The following PRR29 variants were observed in gnomAD, a reference collection of about 807,000 sequenced individuals.
PRR29 encodes proline-rich protein 29.
A neutral mutation model predicts 25.1 loss-of-function variants in PRR29; 20 were observed. That is an observed-to-expected ratio of 0.80 (90% CI 0.56 to 1.16). The LOEUF (loss-of-function observed/expected upper bound fraction) is 1.16. Ranked by LOEUF, PRR29 falls within the 50% of genes most tolerant of loss-of-function variation. PRR29 has a pLI of 0.00. For missense variants in PRR29, 238 were observed against 246.6 expected (o/e 0.97, Z 0.23); for synonymous variants, 108 against 102.6 (o/e 1.05, Z -0.32).
intron 2 of PRR29, 57 bp from the exon 3 acceptor site, chr17:63,998,911 G>A: frequency 1.3e-6 from 2 of 1,487,394 alleles, no homozygotes; most frequent in African/African-American, 1.4e-5. Context: ...GGACAGGGGT[G>A]TCAGGGGGAG....
Position 64,002,566 on chromosome 17 carries a change from CCCAGGAGGAGA to C in PRR29, c.*807_*817del, listed in dbSNP as rs1910848747. The C allele has an allele frequency of 1.6e-6, 1 of 614,626 alleles. No homozygotes were observed. Among genetic ancestry groups the C allele is most frequent in the African/African-American group, 1.8e-5 (1 of 54,100 alleles). 38.1% of individuals were successfully genotyped at this position (614,626 alleles called of 1,614,324 possible). ...GGCTCCCCTCCCTGGCCATTGTTAT[CCCAGGAGGAGA>C]CACTGTGGGCACAGGGCTAAGTCCA... On this transcript the variant is annotated 3_prime_UTR_variant, in exon 6 of 6. Transcript: ENST00000412177.
chr17:63,999,070 C>T lies in PRR29; in HGVS notation c.239C>T (p.Pro80Leu). 3 of 1,535,030 alleles carry T rather than the reference C, an allele frequency of 2.0e-6. No homozygotes were observed. Among genetic ancestry groups the T allele is most frequent in the Non-Finnish European group, 2.6e-6 (3 of 1,146,240 alleles). Reference protein sequence around the residue: ...ALQPRPASPCPQVYLEVPQEE... With the variant: ...ALQPRPASPCLQVYLEVPQEE... ...CAGCCCCGGCCTGCCTCGCCCTGCC[C>T]TCAGGTGCGTGTGGGTGGGCCGCCG... The change falls in exon 3 of 6, where the codon CCT becomes CTT. Residue 80 changes from proline (P) to leucine (L), a missense_variant. Pro to Leu is a moderately conservative substitution (Grantham distance 98). Transcript: ENST00000412177.
At position 63,998,374 on chromosome 17, in the gene PRR29, G is replaced by T. The variant is rs1910258429; in HGVS notation, c.10G>T (p.Gly4Trp). The change falls in exon 1 of 6, where the codon GGG (glycine) becomes TGG (tryptophan). Residue 4 changes from glycine to tryptophan, a missense_variant. Physicochemically the swap from Gly to Trp is radical, Grantham distance 184. Transcript: ENST00000412177. MASGAGGSWGRSPP... is the reference protein window; with the variant it reads MASWAGGSWGRSPP... ...GCAACCGGCGCCAGCCATGGCCTCTGGGGCGGGCGGAAGCTGGGGTCGCTC... is the reference window on the plus strand; with the variant it reads ...GCAACCGGCGCCAGCCATGGCCTCTTGGGCGGGCGGAAGCTGGGGTCGCTC... 6.5e-7 allele frequency: 1 copy of T among 1,527,568 alleles called. No individual in the cohort carries two copies. The highest frequency in any genetic ancestry group is 2.5e-5 in the East Asian group (1 of 40,672). 94.6% of individuals were successfully genotyped at this position (1,527,568 alleles called of 1,614,324 possible). A position where few individuals can be genotyped will look rare whatever the true frequency, so the allele number is the denominator to read the frequency against.
Position 64,003,692 on chromosome 17 carries a change from C to T in PRR29, c.*1931C>T. Reference sequence around the variant, plus strand: ...GCTGAGTGTTTGTGAAAGATGTTGCCACCGCGAGACATCAAGTCCAGCACA... The same window carrying T: ...GCTGAGTGTTTGTGAAAGATGTTGCTACCGCGAGACATCAAGTCCAGCACA... On this transcript the variant is annotated 3_prime_UTR_variant, in exon 6 of 6. Coordinates refer to ENST00000412177, the MANE Select transcript of PRR29 (RefSeq NM_001164257.2). The T allele has an allele frequency of 6.2e-7, 1 of 1,614,168 alleles. No individual in the cohort carries two copies. The highest frequency in any genetic ancestry group is 1.7e-5 in the Admixed American group (1 of 60,034).
chr17:64,000,883 G>C (rs1452286024), intron 3 of PRR29: 1 of 576,694 alleles, frequency 1.7e-6, no homozygotes, highest in East Asian at 2.9e-5. Flanking sequence ...AGCCAGGATG[G>C]TCTCAATCTC....
intron 3 of PRR29, among the ~76,000 whole-genome samples, chr17:64,000,439 C>T (rs935561759): frequency 6.6e-6 from 1 of 152,164 alleles, no homozygotes; most frequent in Non-Finnish European, 1.5e-5. Flanking sequence ...AAACAACTCT[C>T]CTGCCCCAGC....
Position 64,002,018 on chromosome 17 carries a change from C to G in PRR29, c.*257C>G, listed in dbSNP as rs1481063403. On this transcript the variant is annotated 3_prime_UTR_variant, in exon 6 of 6. Coordinates refer to ENST00000412177, the MANE Select transcript of PRR29 (RefSeq NM_001164257.2). ...ACCCAGGCCCTTGAAGCCACGTCAG[C>G]CCGCCTCTGCCCCACTGCTTCCTGC... 4 of 1,523,366 alleles carry G rather than the reference C, an allele frequency of 2.6e-6. No individual in the cohort carries two copies. Among genetic ancestry groups the G allele is most frequent in the Non-Finnish European group, 3.5e-6 (4 of 1,138,004 alleles). The allele number at this position is 1,523,366 out of a possible 1,614,324, so 94.4% of individuals were successfully genotyped here.
At position 64,004,112 on chromosome 17, in the gene PRR29, C is replaced by A; in HGVS notation, c.*2351C>A. ...GGCTCCAGTGCAGAGAGGAAGAGGG[C>A]AGCAGTTGAGGATGGAGGCTGGACT... On this transcript the variant is annotated 3_prime_UTR_variant, in exon 6 of 6. Transcript: ENST00000412177. 1.6e-6 allele frequency: 1 copy of A among 623,714 alleles called. No individual in the cohort carries two copies. The highest frequency in any genetic ancestry group is 2.8e-6 in the Non-Finnish European group (1 of 356,926). The allele number at this position is 623,714 out of a possible 1,614,324, so 38.6% of individuals were successfully genotyped here.
intron 3 of PRR29, 81 bp downstream of exon 3, chr17:63,999,155 A>T: frequency 3.7e-6 from 4 of 1,077,426 alleles, no homozygotes; most frequent in Non-Finnish European, 5.4e-6. Flanking sequence ...TTCAGGGGGG[A>T]AAAGAACTGG....
Position 64,001,988 on chromosome 17 carries a change from G to C in PRR29, c.*227G>C. The C allele has an allele frequency of 6.5e-7, 1 of 1,534,190 alleles. No individual in the cohort carries two copies. Among genetic ancestry groups the C allele is most frequent in the Middle Eastern group, 1.7e-4 (1 of 5,916 alleles). On this transcript the variant is annotated 3_prime_UTR_variant, in exon 6 of 6. Coordinates refer to ENST00000412177, the MANE Select transcript of PRR29 (RefSeq NM_001164257.2). ...TGCTGTTGTGTAAGAGCTCCCTAGA[G>C]CACCACCCAGGCCCTTGAAGCCACG...
At position 64,002,859 on chromosome 17, in the gene PRR29, A is replaced by T; in HGVS notation, c.*1098A>T. 6.2e-7 allele frequency: 1 copy of T among 1,613,994 alleles called. No individual in the cohort carries two copies. Among genetic ancestry groups the T allele is most frequent in the South Asian group, 1.1e-5 (1 of 91,080 alleles). ...GATGAAGCAGAGCAGGACAGATGTCACGAACAGGGACAGCAACACCGACAC... is the reference window on the plus strand; with the variant it reads ...GATGAAGCAGAGCAGGACAGATGTCTCGAACAGGGACAGCAACACCGACAC... On this transcript the variant is annotated 3_prime_UTR_variant, in exon 6 of 6. Transcript: ENST00000412177.
Position 64,002,696 on chromosome 17 carries a change from C to G in PRR29, c.*935C>G. ...GGGCTGGACCTCAACCCTGAGGAGTCACACTGAGTTCCAGTGACCACCGTG... is the reference window on the plus strand; with the variant it reads ...GGGCTGGACCTCAACCCTGAGGAGTGACACTGAGTTCCAGTGACCACCGTG... On this transcript the variant is annotated 3_prime_UTR_variant, in exon 6 of 6. Coordinates refer to ENST00000412177, the MANE Select transcript of PRR29 (RefSeq NM_001164257.2). 1 of 1,541,440 alleles carries G rather than the reference C, an allele frequency of 6.5e-7. No homozygotes were observed. The highest frequency in any genetic ancestry group is 1.2e-5 in the South Asian group (1 of 86,386).
Position 64,001,120 on chromosome 17 carries a change from G to A in PRR29, c.280G>A (p.Glu94Lys), listed in dbSNP as rs1910695177. 6.5e-7 allele frequency: 1 copy of A among 1,537,404 alleles called. No individual in the cohort carries two copies. The highest frequency in any genetic ancestry group is 8.7e-7 in the Non-Finnish European group (1 of 1,146,996). ...LEVPQEEPEE[E>K]EEEMDVREKG... ...GGTTCCACAGGAAGAGCCTGAGGAG[G>A]AGGAGGAGGAGATGGACGTGCGGGA... is the stretch of plus-strand genomic sequence containing the variant. Residue 94 changes from glutamate to lysine, a missense_variant, in exon 4 of 6, where the codon GAG becomes AAG. Physicochemically the swap from Glu to Lys is moderately conservative, Grantham distance 56. Coordinates refer to ENST00000412177, the MANE Select transcript of PRR29 (RefSeq NM_001164257.2).
Position 63,998,797 on chromosome 17 carries a change from T to TCCCCCCCCCCCC in PRR29, c.136+21_136+22insCCCCCCCCCCCC. 10 of 1,062,594 alleles carry TCCCCCCCCCCCC rather than the reference T, an allele frequency of 9.4e-6. No homozygotes were observed. In the South Asian group the frequency reaches 9.6e-5, roughly 10 times the overall value. The allele number at this position is 1,062,594 out of a possible 1,614,324, so 65.8% of individuals were successfully genotyped here. A position where few individuals can be genotyped will look rare whatever the true frequency, so the allele number is the denominator to read the frequency against. On this transcript the variant is annotated intron_variant, in intron 2 of 5. Coordinates refer to ENST00000412177, the MANE Select transcript of PRR29 (RefSeq NM_001164257.2). ...CGTGAAGGAAGGTGAGACTCCCGGGTCCCCCCACCCCACCCCCACCATCAC... is the reference window on the plus strand; with the variant it reads ...CGTGAAGGAAGGTGAGACTCCCGGGTCCCCCCCCCCCCCCCCCCACCCCACCCCCACCATCAC...
At chr17:63,998,623 C>A in intron 1 of PRR29, 84 bp from the exon 2 acceptor site, 1 of 998,818 alleles carries the variant, frequency 1.0e-6, no homozygotes, top group Non-Finnish European at 1.4e-6. Flanking sequence ...GTTAGGGAGG[C>A]CACTGGCCGG....
intron 3 of PRR29, chr17:63,999,326 A>G (rs1432726993): frequency 2.0e-5 from 11 of 557,680 alleles, no homozygotes; most frequent in Non-Finnish European, 3.5e-5. Context: ...TGCCTCCCCC[A>G]CTGGACTTAA....
In PRR29 at chr17:64,001,763, G is replaced by A. The variant is rs199654128; in HGVS notation, c.*2G>A. 1,292 of 1,537,010 alleles carry A rather than the reference G, an allele frequency of 8.4e-4. 2 individuals carry two copies. The highest frequency in any genetic ancestry group is 1.1e-3 in the Non-Finnish European group (1,214 of 1,146,886). On this transcript the variant is annotated 3_prime_UTR_variant, in exon 6 of 6. Transcript: ENST00000412177. ...TATGATGCCGAGAGCCTCCTATGAG[G>A]ACAGACCCCGGCCCTGGGAACTGCA... is the stretch of plus-strand genomic sequence containing the variant.
chr17:64,000,841 T>C (rs1468863912), intron 3 of PRR29: 4 of 378,460 alleles, frequency 1.1e-5, no homozygotes, highest in Non-Finnish European at 1.9e-5. Flanking sequence ...TTTTTTTTGG[T>C]ATTTTTAGTA....
chr17:63,998,797 T>TTC lies in PRR29; in HGVS notation c.136+15_136+16insTC. 19 of 1,062,572 alleles carry TTC rather than the reference T, an allele frequency of 1.8e-5. No individual in the cohort carries two copies. The highest frequency in any genetic ancestry group is 9.6e-5 in the South Asian group (7 of 73,256). 65.8% of individuals were successfully genotyped at this position (1,062,572 alleles called of 1,614,324 possible). A position where few individuals can be genotyped will look rare whatever the true frequency, so the allele number is the denominator to read the frequency against. ...CGTGAAGGAAGGTGAGACTCCCGGG[T>TTC]CCCCCCACCCCACCCCCACCATCAC... On this transcript the variant is annotated intron_variant, in intron 2 of 5. Coordinates refer to ENST00000412177, the MANE Select transcript of PRR29 (RefSeq NM_001164257.2).
Sources: allele counts gnomAD v4.1 joint callset (sites outside exome capture counted in the v4.1 genomes callset), GRCh38; gene constraint gnomAD v4.1.1; transcripts MANE v1.5; gene names NCBI Gene and HGNC (gene_info 2026-07-23, HGNC 2026-07-21).